The following MTUS2 variants were observed in gnomAD, a reference collection of about 807,000 sequenced individuals.
MTUS2 encodes the protein microtubule associated scaffold protein 2, also known as microtubule-associated tumor suppressor candidate 2.
In MTUS2, 40 loss-of-function variants were observed where a neutral mutation model predicts 114.1. The ratio of observed to expected loss-of-function variants is 0.35; its 90% confidence interval spans 0.27 to 0.46. MTUS2 has a LOEUF of 0.46. Ranked by LOEUF, MTUS2 falls within the 20% of genes least tolerant of loss-of-function variation. The pLI, the probability that MTUS2 is intolerant of heterozygous loss-of-function variation, is 1.00. For synonymous variants in MTUS2, 688 were observed against 672.0 expected (o/e 1.02, Z -0.37); for missense variants, 1,679 against 1,705.4 (o/e 0.98, Z 0.27).
chr13:29,145,230 T>C (rs1421292747), intron 5 of MTUS2, among the ~76,000 whole-genome samples: 1 of 152,112 alleles, frequency 6.6e-6, no homozygotes, highest in Non-Finnish European at 1.5e-5. Context: ...AACCTAAAAT[T>C]CATAAATGAG....
At chr13:29,065,771 A>G (rs779080005) in intron 4 of MTUS2, among the ~76,000 whole-genome samples, 7 of 152,156 alleles carry the variant, frequency 4.6e-5, no homozygotes, top group Non-Finnish European at 8.8e-5. Context: ...TTATTACTTA[A>G]TCTATACCTC....
chr13:29,013,161 C>T (rs1375279820), intron 2 of MTUS2, among the ~76,000 whole-genome samples: 1 of 152,188 alleles, frequency 6.6e-6, no homozygotes, highest in Non-Finnish European at 1.5e-5. Context: ...CTTTTCTCTT[C>T]GTTTGGAGTC....
intron 5 of MTUS2, among the ~76,000 whole-genome samples, chr13:29,156,853 G>A (rs911009282): frequency 1.3e-5 from 2 of 151,896 alleles, no homozygotes; most frequent in Admixed American, 6.6e-5. Flanking sequence ...TCCACTCCCC[G>A]ACCCCGCCTC....
At chr13:28,833,951 G>T (rs1448578545) in intron 1 of MTUS2, among the ~76,000 whole-genome samples, 1 of 151,988 alleles carries the variant, frequency 6.6e-6, no homozygotes, top group Non-Finnish European at 1.5e-5. Context: ...AGATATTTAG[G>T]AACAAATTTA....
At chr13:29,361,735 A>G (rs1870269981) in intron 8 of MTUS2, among the ~76,000 whole-genome samples, 1 of 152,216 alleles carries the variant, frequency 6.6e-6, no homozygotes, top group Non-Finnish European at 1.5e-5. Context: ...ATTATTGTGA[A>G]TGAGATCTTG....
chr13:29,034,162 A>C, intron 4 of MTUS2, 37 bp downstream of exon 4: 1 of 1,611,408 alleles, frequency 6.2e-7, no homozygotes, highest in Non-Finnish European at 8.5e-7. Context: ...TTCCTGCTGT[A>C]CGTTTAGATA....
chr13:29,391,544 G>C (rs1306270530), intron 8 of MTUS2, among the ~76,000 whole-genome samples: 1 of 101,954 alleles, frequency 9.8e-6, no homozygotes, highest in East Asian at 2.8e-4. Context: ...ATGGCTTCAG[G>C]GGCAATATCT....
At chr13:29,321,921 C>T (rs1019324924) in intron 6 of MTUS2, among the ~76,000 whole-genome samples, 4 of 152,120 alleles carry the variant, frequency 2.6e-5, no homozygotes, top group Non-Finnish European at 5.9e-5. Context: ...TTATCATGGG[C>T]AGCTTTCCAT....
At chr13:28,833,641 G>C (rs1874861444) in intron 1 of MTUS2, among the ~76,000 whole-genome samples, 1 of 152,072 alleles carries the variant, frequency 6.6e-6, no homozygotes. Flanking sequence ...TTAAAACAAG[G>C]AACAGGCAAG....
intron 8 of MTUS2, chr13:29,428,874 G>A: frequency 6.2e-7 from 1 of 1,614,054 alleles, no homozygotes; most frequent in African/African-American, 1.3e-5. Flanking sequence ...CCTTATAACT[G>A]CCTTCAGTGC....
intron 6 of MTUS2, among the ~76,000 whole-genome samples, chr13:29,305,360 G>C (rs1379074450): frequency 6.6e-6 from 1 of 151,664 alleles, no homozygotes; most frequent in East Asian, 1.9e-4. Flanking sequence ...CTAGTTTTGT[G>C]AAAAAAAAAG....
intron 2 of MTUS2, among the ~76,000 whole-genome samples, chr13:28,866,765 G>A (rs1248640377): frequency 2.0e-5 from 3 of 151,954 alleles, no homozygotes; most frequent in Admixed American, 6.6e-5. Flanking sequence ...TACTAGACAG[G>A]TTCCTCTGTC....
chr13:29,352,885 C>T (rs74422718), intron 7 of MTUS2, among the ~76,000 whole-genome samples: 1 of 152,120 alleles, frequency 6.6e-6, no homozygotes, highest in East Asian at 1.9e-4. Flanking sequence ...CATCTCAGAC[C>T]TTGGAAATTT....
At chr13:29,061,784 T>G (rs1206232055) in intron 4 of MTUS2, among the ~76,000 whole-genome samples, 1 of 152,244 alleles carries the variant, frequency 6.6e-6, no homozygotes. Flanking sequence ...AAATGTTAGC[T>G]TCATATATTT....
chr13:29,006,649 G>A (rs1172008700), intron 2 of MTUS2, among the ~76,000 whole-genome samples: 2 of 152,170 alleles, frequency 1.3e-5, no homozygotes, highest in Non-Finnish European at 2.9e-5. Flanking sequence ...CATCCTGAGA[G>A]GCCTGACAAT....
At chr13:29,008,166 A>G (rs1457713960) in intron 2 of MTUS2, among the ~76,000 whole-genome samples, 1 of 152,114 alleles carries the variant, frequency 6.6e-6, no homozygotes, top group Non-Finnish European at 1.5e-5. Context: ...CACTTGATTC[A>G]GTAACTCCTG....
Position 28,891,524 on chromosome 13 carries a change from G to A in MTUS2, c.-243+51674G>A, listed in dbSNP as rs373187059. 2.6e-5 allele frequency among the ~76,000 whole-genome samples: 4 copies of A among 152,152 alleles called. No individual in the cohort carries two copies. The East Asian group carries it at 7.7e-4, about 29-fold the overall frequency. On this transcript the variant is annotated intron_variant, in intron 2 of 15. Coordinates refer to ENST00000612955, the MANE Select transcript of MTUS2 (RefSeq NM_001033602.4). ...GAGGGAGGAGCTTTGTAAATGTTAA[G>A]TTCCTAAGGGAACAAAAAGATAATA...
intron 2 of MTUS2, among the ~76,000 whole-genome samples, chr13:28,953,199 G>T (rs1356136370): frequency 6.7e-6 from 1 of 149,880 alleles, no homozygotes; most frequent in Non-Finnish European, 1.5e-5. Context: ...TTTCTACTGA[G>T]TTGCTTTTCT....
intron 4 of MTUS2, among the ~76,000 whole-genome samples, chr13:29,085,655 A>G (rs1444570028): frequency 1.3e-5 from 2 of 152,242 alleles, no homozygotes; most frequent in South Asian, 2.1e-4. Context: ...TCCATGGTGT[A>G]TATGTACCAC....
Sources: gnomAD v4.1 joint callset for allele counts (sites outside exome capture counted in the v4.1 genomes callset) on GRCh38, gnomAD v4.1.1 for gene constraint, MANE v1.5 for transcripts, NCBI Gene and HGNC (gene_info 2026-07-23, HGNC 2026-07-21) for gene names.